SCG3: variants seen among roughly 807,000 people sequenced by gnomAD.
The protein encoded by SCG3 is secretogranin-3.
A neutral mutation model predicts 56.2 loss-of-function variants in SCG3; 38 were observed. The observed-to-expected ratio is 0.68, with a 90% CI of 0.52 to 0.89. The LOEUF is 0.89. SCG3 is among the 40% of genes least tolerant of loss of function. The pLI is 0.00. For synonymous variants in SCG3, 176 were observed against 184.2 expected (o/e 0.96, Z 0.36); for missense variants, 524 against 540.7 (o/e 0.97, Z 0.31).
In SCG3 at chr15:51,689,263, G is replaced by A. The variant is rs1253637680; in HGVS notation, c.585G>A (p.Glu195=). The A allele has an allele frequency of 1.2e-6, 2 of 1,613,858 alleles. No individual in the cohort carries two copies. Among genetic ancestry groups the A allele is most frequent in the African/African-American group, 1.3e-5 (1 of 74,892 alleles). ...QAHTLEDEVA[E]VLQKLISKEA... ...ATACACTGGAAGATGAAGTAGCAGA[G>A]GTTTTACAAAAATTAATCTCAAAGG... Residue 195 remains glutamate (E), a synonymous_variant, in exon 6 of 12, where the codon GAG becomes GAA. Coordinates refer to ENST00000220478, the MANE Select transcript of SCG3 (RefSeq NM_013243.4).
chr15:51,692,843 C>T (rs974875363), intron 7 of SCG3, among the ~76,000 whole-genome samples: 1 of 152,012 alleles, frequency 6.6e-6, no homozygotes, highest in Non-Finnish European at 1.5e-5. Flanking sequence ...GTATCTATCA[C>T]CTTATAGTTA....
At chr15:51,698,822 A>G (rs2055320965) in intron 8 of SCG3, among the ~76,000 whole-genome samples, 1 of 151,568 alleles carries the variant, frequency 6.6e-6, no homozygotes, top group South Asian at 2.1e-4. Context: ...CAGTGGTCCT[A>G]CCATTGAGTC....
At chr15:51,689,423 G>C in intron 6 of SCG3, 55 bp downstream of exon 6, 2 of 1,526,226 alleles carry the variant, frequency 1.3e-6, no homozygotes, top group Non-Finnish European at 1.8e-6. Flanking sequence ...GTGTGTGTGT[G>C]TGTGTGTGTA....
intron 10 of SCG3, among the ~76,000 whole-genome samples, chr15:51,711,335 C>CA (rs904744062): frequency 3.9e-5 from 6 of 152,012 alleles, no homozygotes; most frequent in African/African-American, 1.5e-4. Context: ...TTCCTTATCC[C>CA]AAAAAAGCTC....
In SCG3 at chr15:51,695,964, T is replaced by C; in HGVS notation, c.958T>C (p.Ser320Pro). Residue 320 changes from serine to proline, a missense_variant, in exon 8 of 12, where the codon TCT becomes CCT. Coordinates refer to ENST00000220478, the MANE Select transcript of SCG3 (RefSeq NM_013243.4). ...GATGATGGTGAAATATGGAACAATA[T>C]CTCCAGAAGAAGGTGTTTCCTACCT... ...VKMMVKYGTI[S>P]PEEGVSYLEN... 2 of 1,600,758 alleles carry C rather than the reference T, an allele frequency of 1.2e-6. No homozygotes were observed. The highest frequency in any genetic ancestry group is 1.7e-6 in the Non-Finnish European group (2 of 1,168,092).
chr15:51,689,433 A>G (rs1231565520), intron 6 of SCG3, 65 bp downstream of exon 6: 297 of 978,700 alleles, frequency 3.0e-4, no homozygotes, highest in East Asian at 7.8e-4. Flanking sequence ...GTGTGTGTGT[A>G]CTTCTATCTG....
chr15:51,694,759 G>A (rs545932918), intron 7 of SCG3, among the ~76,000 whole-genome samples: 23 of 152,266 alleles, frequency 1.5e-4, no homozygotes, highest in African/African-American at 3.4e-4. Flanking sequence ...GGCCGAGCGC[G>A]GTGGCTCACG....
At chr15:51,701,491 T>C (rs371705926) in intron 10 of SCG3, among the ~76,000 whole-genome samples, 2 of 152,240 alleles carry the variant, frequency 1.3e-5, no homozygotes, top group African/African-American at 4.8e-5. Flanking sequence ...CTTTTGTGTT[T>C]GGAGAGGAAT....
chr15:51,683,021 C>T, intron 2 of SCG3, 58 bp from the exon 3 acceptor site: 3 of 1,366,276 alleles, frequency 2.2e-6, no homozygotes, highest in South Asian at 2.6e-5. Flanking sequence ...GGCTCTTGTA[C>T]TTGGTAAGTA....
intron 6 of SCG3, among the ~76,000 whole-genome samples, chr15:51,691,302 G>T (rs1319077761): frequency 1.3e-5 from 2 of 152,202 alleles, no homozygotes; most frequent in Non-Finnish European, 2.9e-5. Context: ...GATCTTTATT[G>T]TAAGAACCAT....
chr15:51,719,564 G>A lies in SCG3; in HGVS notation c.*38G>A. On this transcript the variant is annotated 3_prime_UTR_variant, in exon 12 of 12. Coordinates refer to ENST00000220478, the MANE Select transcript of SCG3 (RefSeq NM_013243.4). ...ATCCAGGAGTCTTTCAACTGTTTCA[G>A]AAAACATAATATAGCTTAAAACACT... is the stretch of plus-strand genomic sequence containing the variant. 2 of 1,406,920 alleles carry A rather than the reference G, an allele frequency of 1.4e-6. No homozygotes were observed. Among genetic ancestry groups the A allele is most frequent in the Non-Finnish European group, 2.0e-6 (2 of 996,550 alleles). The allele number at this position is 1,406,920 out of a possible 1,614,324, so 87.2% of individuals were successfully genotyped here. A position where few individuals can be genotyped will look rare whatever the true frequency, so the allele number is the denominator to read the frequency against.
intron 5 of SCG3, among the ~76,000 whole-genome samples, 161 bp downstream of exon 5, chr15:51,688,563 T>C (rs945244782): frequency 2.6e-5 from 4 of 151,768 alleles, no homozygotes; most frequent in African/African-American, 9.7e-5. Context: ...CTTTTTTTTC[T>C]AGGAGTTTAT....
chr15:51,683,833 C>G (rs2055211414), intron 4 of SCG3, among the ~76,000 whole-genome samples: 1 of 152,182 alleles, frequency 6.6e-6, no homozygotes, highest in Non-Finnish European at 1.5e-5. Flanking sequence ...TTCAGTGTTT[C>G]CTCCTAGCCA....
chr15:51,699,287 T>C (rs375090291), intron 8 of SCG3, 32 bp from the exon 9 acceptor site: 63 of 1,496,270 alleles, frequency 4.2e-5, no homozygotes, highest in Non-Finnish European at 5.8e-5. Flanking sequence ...TCTCAGGGAA[T>C]AAAATTAAAT....
chr15:51,689,499 G>A, intron 6 of SCG3, 131 bp downstream of exon 6: 2 of 1,194,374 alleles, frequency 1.7e-6, no homozygotes, highest in Non-Finnish European at 2.3e-6. Flanking sequence ...GGCATTTTTA[G>A]CCCATTTATA....
At position 51,720,814 on chromosome 15, in the gene SCG3, A is replaced by G. The variant is rs138802148; in HGVS notation, c.*1288A>G. On this transcript the variant is annotated 3_prime_UTR_variant, in exon 12 of 12. Transcript: ENST00000220478. ...TAAAACGCACCAATCAGCACTCTGTAAAATGCACCAATCAGCAGGATTCTA... is the reference window on the plus strand; with the variant it reads ...TAAAACGCACCAATCAGCACTCTGTGAAATGCACCAATCAGCAGGATTCTA... 926 of 181,152 alleles carry G rather than the reference A, an allele frequency of 5.1e-3. 35 individuals are homozygous for G. In the East Asian group the frequency reaches 0.079, roughly 16 times the overall value. The allele number at this position is 181,152 out of a possible 1,614,324, so 11.2% of individuals were successfully genotyped here.
intron 11 of SCG3, among the ~76,000 whole-genome samples, chr15:51,716,334 AGGTGC>A (rs1441163699): frequency 6.6e-6 from 1 of 152,248 alleles, no homozygotes; most frequent in Non-Finnish European, 1.5e-5. Flanking sequence ...TCATCGCCTT[AGGTGC>A]GGTGCCTGCA....
chr15:51,719,599 G>A lies in SCG3; in HGVS notation c.*73G>A. On this transcript the variant is annotated 3_prime_UTR_variant, in exon 12 of 12. Transcript: ENST00000220478. ...TATAGCTTAAAACACTTCTAATTCT[G>A]TGATTAAAATTTTTTGACCCAAGGG... is the stretch of plus-strand genomic sequence containing the variant. 9.0e-7 allele frequency: 1 copy of A among 1,112,008 alleles called. No homozygotes were observed. The highest frequency in any genetic ancestry group is 1.4e-5 in the South Asian group (1 of 70,256). The allele number at this position is 1,112,008 out of a possible 1,614,324, so 68.9% of individuals were successfully genotyped here.
chr15:51,691,621 G>A (rs2055267325), intron 6 of SCG3, among the ~76,000 whole-genome samples: 1 of 152,156 alleles, frequency 6.6e-6, no homozygotes, highest in Admixed American at 6.5e-5. Context: ...AATGGAGAAT[G>A]AACCATTTAC....
Sources: allele counts gnomAD v4.1 joint callset (sites outside exome capture counted in the v4.1 genomes callset), GRCh38; gene constraint gnomAD v4.1.1; transcripts MANE v1.5; gene names NCBI Gene and HGNC (gene_info 2026-07-23, HGNC 2026-07-21).